Variants in USP12 observed in about 807,000 individuals in gnomAD.
USP12 encodes ubiquitin specific peptidase 12, also known as ubiquitin carboxyl-terminal hydrolase 12.
In USP12, 19 loss-of-function variants were observed where a neutral mutation model predicts 45.5. The ratio of observed to expected loss-of-function variants is 0.42; its 90% CI spans 0.29 to 0.61. The LOEUF (loss-of-function observed/expected upper bound fraction) is 0.61. Ranked by LOEUF, USP12 falls within the 20% of genes least tolerant of loss-of-function variation. USP12 has a pLI of 0.22. For synonymous variants in USP12, 149 were observed against 148.8 expected (o/e 1.00, Z -0.01); for missense variants, 242 against 447.7 (o/e 0.54, Z 4.15).
At chr13:27,116,912 T>C (rs1171178424) in intron 1 of USP12, among the ~76,000 whole-genome samples, 1 of 152,178 alleles carries the variant, frequency 6.6e-6, no homozygotes, top group Admixed American at 6.5e-5. Context: ...CCTAGGTTTA[T>C]GTAAGAACGC....
chr13:27,110,236 T>C (rs1192721896), intron 2 of USP12, among the ~76,000 whole-genome samples: 1 of 151,946 alleles, frequency 6.6e-6, no homozygotes, highest in Non-Finnish European at 1.5e-5. Context: ...TCTCCTACTC[T>C]AGCTTTTCAA....
chr13:27,102,560 T>TCAAG (rs1874919285), intron 3 of USP12, among the ~76,000 whole-genome samples: 1 of 152,232 alleles, frequency 6.6e-6, no homozygotes, highest in Admixed American at 6.5e-5. Flanking sequence ...TTTCCATCCT[T>TCAAG]CAAGCACTCA....
At chr13:27,141,348 G>A (rs1227328878) in intron 1 of USP12, among the ~76,000 whole-genome samples, 1 of 152,042 alleles carries the variant, frequency 6.6e-6, no homozygotes, top group Non-Finnish European at 1.5e-5. Context: ...TCCTTGCTAT[G>A]TCCACTAAAA....
At position 27,171,699 on chromosome 13, in the gene USP12, G is replaced by A; in HGVS notation, c.-60C>T. On this transcript the variant is annotated 5_prime_UTR_variant, in exon 1 of 9. Coordinates refer to ENST00000282344, the MANE Select transcript of USP12 (RefSeq NM_182488.4). ...CGGCGGCGGGCGGGGGAGGAGGGGA[G>A]CCGGGCCGCCCGCTCGCACCGCAGC... 3 of 1,088,872 alleles carry A rather than the reference G, an allele frequency of 2.8e-6. No homozygotes were observed. Among genetic ancestry groups the A allele is most frequent in the South Asian group, 1.9e-5 (1 of 51,492 alleles). The allele number at this position is 1,088,872 out of a possible 1,614,324, so 67.5% of individuals were successfully genotyped here.
intron 1 of USP12, among the ~76,000 whole-genome samples, chr13:27,163,358 C>A (rs888138950): frequency 3.9e-5 from 6 of 152,156 alleles, no homozygotes; most frequent in African/African-American, 1.4e-4. Flanking sequence ...AAGAGTAACA[C>A]ATTATCTATT....
chr13:27,165,498 T>C (rs1878310187), intron 1 of USP12, among the ~76,000 whole-genome samples: 1 of 152,084 alleles, frequency 6.6e-6, no homozygotes, highest in Non-Finnish European at 1.5e-5. Flanking sequence ...GCAAATCATG[T>C]TAAAGGGCAG....
chr13:27,070,201 CA>C (rs952434592), intron 8 of USP12, among the ~76,000 whole-genome samples: 1 of 152,156 alleles, frequency 6.6e-6, no homozygotes, highest in African/African-American at 2.4e-5. Flanking sequence ...AAGTCTGACA[CA>C]AAAGAAATCA....
chr13:27,136,692 T>G (rs1876820172), intron 1 of USP12, among the ~76,000 whole-genome samples: 1 of 152,202 alleles, frequency 6.6e-6, no homozygotes, highest in African/African-American at 2.4e-5. Context: ...ATGTACTGAC[T>G]ACCCACAAGG....
chr13:27,109,362 A>G (rs1875309635), intron 2 of USP12, among the ~76,000 whole-genome samples: 1 of 152,224 alleles, frequency 6.6e-6, no homozygotes, highest in Admixed American at 6.5e-5. Context: ...TGCCTTAAGC[A>G]AAATCACTAA....
intron 4 of USP12, among the ~76,000 whole-genome samples, chr13:27,093,067 G>A (rs970794192): frequency 1.3e-5 from 2 of 151,864 alleles, no homozygotes; most frequent in Admixed American, 6.6e-5. Flanking sequence ...GTGGTGGCGC[G>A]TGCCTGTAAT....
chr13:27,108,217 G>A (rs1227634360), intron 2 of USP12, among the ~76,000 whole-genome samples: 1 of 151,936 alleles, frequency 6.6e-6, no homozygotes. Flanking sequence ...AAAATGATGA[G>A]TTCATGTCCT....
intron 1 of USP12, among the ~76,000 whole-genome samples, chr13:27,155,121 A>G (rs980184842): frequency 4.3e-5 from 5 of 115,642 alleles, no homozygotes; most frequent in Admixed American, 1.3e-4. Flanking sequence ...TCGCTCTGTC[A>G]CCCAGACTGG....
rs940884946 is a variant in USP12, at chr13:27,155,865, C to T, written c.48+15727G>A. Among the ~76,000 whole-genome samples, 3 of 152,070 alleles carry T rather than the reference C, an allele frequency of 2.0e-5. No individual in the cohort carries two copies. In the South Asian group the frequency reaches 6.2e-4, roughly 31 times the overall value. On this transcript the variant is annotated intron_variant, in intron 1 of 8. Transcript: ENST00000282344. ...TTAGCCTGCCTAAATGTATGACTTT[C>T]GGAATACAACTATGAAAATATTCTG...
intron 1 of USP12, among the ~76,000 whole-genome samples, chr13:27,116,924 CTGA>C (rs1565994787): frequency 6.6e-6 from 1 of 152,142 alleles, no homozygotes; most frequent in Non-Finnish European, 1.5e-5. Context: ...TAAGAACGCT[CTGA>C]TGTTCGCATG....
chr13:27,144,747 G>GT (rs145310848), intron 1 of USP12, among the ~76,000 whole-genome samples: 219 of 145,286 alleles, frequency 1.5e-3, no homozygotes, highest in Middle Eastern at 3.6e-3. Flanking sequence ...GTTTTTTGTT[G>GT]TTTTTTTTTT....
At position 27,160,859 on chromosome 13, in the gene USP12, C is replaced by A. The variant is rs572575355; in HGVS notation, c.48+10733G>T. Reference sequence around the variant, plus strand: ...TGTGCAGGTTTGTGACACAGGTAAACGTATCATGGTGGTTTGCTGCACAGC... The same window carrying A: ...TGTGCAGGTTTGTGACACAGGTAAAAGTATCATGGTGGTTTGCTGCACAGC... On this transcript the variant is annotated intron_variant, in intron 1 of 8. Coordinates refer to ENST00000282344, the MANE Select transcript of USP12 (RefSeq NM_182488.4). Among the ~76,000 whole-genome samples, 68 of 151,168 alleles carry A rather than the reference C, an allele frequency of 4.5e-4. No homozygotes were observed. In the Middle Eastern group the frequency reaches 0.01, roughly 23 times the overall value.
At chr13:27,072,331 T>C (rs543151037) in intron 7 of USP12, among the ~76,000 whole-genome samples, 1 of 152,108 alleles carries the variant, frequency 6.6e-6, no homozygotes, top group African/African-American at 2.4e-5. Context: ...GGGTAAGGAC[T>C]GGTAAATTGA....
intron 1 of USP12, among the ~76,000 whole-genome samples, chr13:27,164,527 T>TA (rs1878265062): frequency 6.6e-6 from 1 of 152,246 alleles, no homozygotes; most frequent in East Asian, 1.9e-4. Flanking sequence ...TTAAATTTCT[T>TA]ATAGTTTACA....
chr13:27,081,492 C>T lies in USP12; in HGVS notation c.735-6104G>A, dbSNP rs546180717. ...GTTTCCACCACATCTACAGTGACTT[C>T]CTCCACTGAAGTTCGAATCCCTCAA... On this transcript the variant is annotated intron_variant, in intron 6 of 8. Transcript: ENST00000282344. 2.6e-5 allele frequency among the ~76,000 whole-genome samples: 4 copies of T among 152,298 alleles called. No individual in the cohort carries two copies. In the South Asian group the frequency reaches 8.3e-4, roughly 32 times the overall value.
Sources: allele counts gnomAD v4.1 joint callset (sites outside exome capture counted in the v4.1 genomes callset), GRCh38; gene constraint gnomAD v4.1.1; transcripts MANE v1.5; gene names NCBI Gene and HGNC (gene_info 2026-07-23, HGNC 2026-07-21).